The following RAB7A variants were observed in gnomAD, a reference collection of about 807,000 sequenced individuals.
RAB7A encodes the protein RAB7A, member RAS oncogene family.
RAB7A carries 2 observed loss-of-function variants against 24.5 expected under a neutral mutation model. The ratio of observed to expected loss-of-function variants is 0.08; its 90% confidence interval spans 0.03 to 0.26. RAB7A has a LOEUF of 0.26. Among genes scored for constraint, RAB7A ranks in the 10% least tolerant of loss-of-function variants. The pLI is 1.00. For synonymous variants in RAB7A, 100 were observed against 95.9 expected (o/e 1.04, Z -0.25); for missense variants, 118 against 255.7 (o/e 0.46, Z 3.67).
At chr3:128,769,480 T>C (rs1304517046) in intron 1 of RAB7A, among the ~76,000 whole-genome samples, 1 of 152,230 alleles carries the variant, frequency 6.6e-6, no homozygotes, top group Non-Finnish European at 1.5e-5. Flanking sequence ...TTTATTGGGT[T>C]GGTTTTTTTC....
At chr3:128,756,661 A>G (rs187138621) in intron 1 of RAB7A, among the ~76,000 whole-genome samples, 12 of 152,252 alleles carry the variant, frequency 7.9e-5, no homozygotes, top group African/African-American at 2.2e-4. Context: ...CCATCCTAAC[A>G]TGGATACAGA....
chr3:128,801,668 G>T (rs565924729), intron 3 of RAB7A, among the ~76,000 whole-genome samples: 1 of 152,156 alleles, frequency 6.6e-6, no homozygotes, highest in South Asian at 2.1e-4. Flanking sequence ...AAAAATGGCA[G>T]GAAATATGAA....
intron 1 of RAB7A, among the ~76,000 whole-genome samples, chr3:128,790,131 C>G (rs1376024994): frequency 1.3e-5 from 2 of 152,146 alleles, no homozygotes; most frequent in Admixed American, 6.6e-5. Context: ...CATTCTTGAT[C>G]TGGGAGAACA....
intron 1 of RAB7A, among the ~76,000 whole-genome samples, chr3:128,744,717 T>C (rs1174170606): frequency 1.3e-5 from 2 of 152,212 alleles, no homozygotes; most frequent in Non-Finnish European, 2.9e-5. Context: ...AAAGTTGCCA[T>C]TGGTCCTTGT....
At chr3:128,809,780 C>T (rs137891160) in intron 5 of RAB7A, among the ~76,000 whole-genome samples, 95 of 151,788 alleles carry the variant, frequency 6.3e-4, no homozygotes, top group African/African-American at 2.1e-3. Context: ...AGCCGTTTCC[C>T]TCCCTGAATA....
intron 1 of RAB7A, among the ~76,000 whole-genome samples, chr3:128,758,150 G>A (rs1321919923): frequency 1.3e-5 from 2 of 151,930 alleles, no homozygotes; most frequent in Non-Finnish European, 2.9e-5. Context: ...TTTTTGTAGA[G>A]GCAGCCTCTC....
intron 1 of RAB7A, among the ~76,000 whole-genome samples, chr3:128,774,988 GCCAGGTT>G (rs1466898278): frequency 6.6e-6 from 1 of 151,958 alleles, no homozygotes; most frequent in Non-Finnish European, 1.5e-5. Context: ...ACCGTTGTTG[GCCAGGTT>G]GGTCTCAAAC....
rs1401390841 is a variant in RAB7A, at chr3:128,797,934, C to T, written c.54-9C>T. The T allele has an allele frequency of 1.9e-6, 3 of 1,613,080 alleles. No individual in the cohort carries two copies. The highest frequency in any genetic ancestry group is 1.7e-4 in the Middle Eastern group (1 of 6,060). ...TTGACTTATACTTATGGTTTTTCTCCAATTTCAGAGTCGGGAAGACATCAC... is the reference window on the plus strand; with the variant it reads ...TTGACTTATACTTATGGTTTTTCTCTAATTTCAGAGTCGGGAAGACATCAC... On this transcript the variant is annotated splice_polypyrimidine_tract_variant and intron_variant, in intron 2 of 5. Coordinates refer to ENST00000265062, the MANE Select transcript of RAB7A (RefSeq NM_004637.6).
chr3:128,798,283 C>CA, intron 3 of RAB7A: 1 of 498,336 alleles, frequency 2.0e-6, no homozygotes, highest in Admixed American at 3.5e-5. Context: ...CTTGCTAAGA[C>CA]ACACTAAAAA....
intron 5 of RAB7A, among the ~76,000 whole-genome samples, chr3:128,809,901 A>C (rs1365797095): frequency 7.8e-6 from 1 of 127,576 alleles, no homozygotes; most frequent in Non-Finnish European, 1.6e-5. Context: ...TGTTGATTTG[A>C]CTGCCTGATG....
At chr3:128,774,156 C>A (rs1390528591) in intron 1 of RAB7A, among the ~76,000 whole-genome samples, 19 of 141,142 alleles carry the variant, frequency 1.3e-4, no homozygotes, top group African/African-American at 5.0e-4. Flanking sequence ...AGAGGTCTAT[C>A]TATATATTCC....
At chr3:128,762,308 TAAGGGTTCCTGCTAACTCTTCCC>T (rs916529401) in intron 1 of RAB7A, among the ~76,000 whole-genome samples, 3 of 152,164 alleles carry the variant, frequency 2.0e-5, no homozygotes, top group African/African-American at 7.2e-5. Context: ...GTGGAAATTT[TAAGGGTTCCTGCTAACTCTTCCC>T]AAGGAATTGG....
At chr3:128,796,939 C>G (rs1185646261) in intron 2 of RAB7A, among the ~76,000 whole-genome samples, 1 of 152,212 alleles carries the variant, frequency 6.6e-6, no homozygotes, top group Non-Finnish European at 1.5e-5. Context: ...GCTGAGATTA[C>G]AGGCTTGAGC....
In RAB7A at chr3:128,764,897, T is replaced by C. The variant is rs1356005244; in HGVS notation, c.-8-30463T>C. On this transcript the variant is annotated intron_variant, in intron 1 of 5. Coordinates refer to ENST00000265062, the MANE Select transcript of RAB7A (RefSeq NM_004637.6). ...AAAGCCACATCATCGCGGTCAAAGTTGTAAGACACGGACAGGTAAACGTAG... is the reference window on the plus strand; with the variant it reads ...AAAGCCACATCATCGCGGTCAAAGTCGTAAGACACGGACAGGTAAACGTAG... 2.7e-6 allele frequency: 4 copies of C among 1,506,254 alleles called. No individual in the cohort carries two copies. In the East Asian group the frequency reaches 6.7e-5, roughly 25 times the overall value. 93.3% of individuals were successfully genotyped at this position (1,506,254 alleles called of 1,614,324 possible). A position where few individuals can be genotyped will look rare whatever the true frequency, so the allele number is the denominator to read the frequency against.
intron 1 of RAB7A, among the ~76,000 whole-genome samples, chr3:128,739,513 A>C (rs1201411665): frequency 7.6e-6 from 1 of 131,652 alleles, no homozygotes; most frequent in African/African-American, 2.8e-5. Flanking sequence ...ACTTCATCTC[A>C]AAAAAAAAAA....
chr3:128,729,733 A>G (rs552116762), intron 1 of RAB7A, among the ~76,000 whole-genome samples: 17 of 152,204 alleles, frequency 1.1e-4, no homozygotes, highest in Non-Finnish European at 1.9e-4. Context: ...CAAATATTTT[A>G]GTTTTTCCTA....
At chr3:128,806,722 C>T (rs868773351) in intron 4 of RAB7A, 132 bp downstream of exon 4, 13 of 934,478 alleles carry the variant, frequency 1.4e-5, no homozygotes, top group Middle Eastern at 4.9e-4. Context: ...CATATGCCAG[C>T]CCTTCAGGCC....
intron 1 of RAB7A, among the ~76,000 whole-genome samples, chr3:128,758,937 G>A (rs1559784984): frequency 6.6e-6 from 1 of 152,062 alleles, no homozygotes; most frequent in South Asian, 2.1e-4. Flanking sequence ...GAGTTTTAAG[G>A]GGACTTACTG....
intron 1 of RAB7A, among the ~76,000 whole-genome samples, chr3:128,761,984 T>A (rs2070779134): frequency 6.6e-6 from 1 of 152,224 alleles, no homozygotes; most frequent in Non-Finnish European, 1.5e-5. Flanking sequence ...GGTACCATGT[T>A]TGCATGTTTT....
Sources: gnomAD v4.1 joint callset for allele counts (sites outside exome capture counted in the v4.1 genomes callset) on GRCh38, gnomAD v4.1.1 for gene constraint, MANE v1.5 for transcripts, NCBI Gene and HGNC (gene_info 2026-07-23, HGNC 2026-07-21) for gene names.